PRKG1: variants seen among roughly 807,000 people sequenced by gnomAD.
PRKG1 encodes cGMP-dependent protein kinase 1.
A neutral mutation model predicts 88.1 loss-of-function variants in PRKG1; 35 were observed. The observed-to-expected ratio is 0.40, with a 90% CI of 0.30 to 0.53. The LOEUF (loss-of-function observed/expected upper bound fraction) is 0.53. Ranked by LOEUF, PRKG1 falls within the 20% of genes least tolerant of loss-of-function variation. The probability of loss-of-function intolerance (pLI) is 0.59; values close to 1 mark genes in which losing one functional copy is unlikely to be tolerated. For missense variants in PRKG1, 540 were observed against 839.8 expected (o/e 0.64, Z 4.41); for synonymous variants, 303 against 292.5 (o/e 1.04, Z -0.37).
chr10:51,489,906 A>G (rs1564520217), intron 3 of PRKG1, among the ~76,000 whole-genome samples: 1 of 152,146 alleles, frequency 6.6e-6, no homozygotes, highest in Non-Finnish European at 1.5e-5. Context: ...TGACCTGTTT[A>G]CTATAGTTCA....
At chr10:51,625,083 T>C (rs1362506836) in intron 3 of PRKG1, among the ~76,000 whole-genome samples, 2 of 152,218 alleles carry the variant, frequency 1.3e-5, no homozygotes, top group East Asian at 1.9e-4. Context: ...AATTAATAAA[T>C]GTTTAAAGTG....
chr10:51,289,619 T>C (rs934863728), intron 2 of PRKG1, among the ~76,000 whole-genome samples: 7 of 152,080 alleles, frequency 4.6e-5, no homozygotes, highest in African/African-American at 1.7e-4. Context: ...ACACAGTTTC[T>C]TGACTCTACC....
chr10:52,226,359 A>G (rs1281654349), intron 9 of PRKG1, among the ~76,000 whole-genome samples: 3 of 152,144 alleles, frequency 2.0e-5, no homozygotes, highest in Admixed American at 6.5e-5. Context: ...AGATTGATAA[A>G]CACTAAAAAG....
intron 5 of PRKG1, among the ~76,000 whole-genome samples, chr10:52,047,796 G>A (rs1375832508): frequency 2.0e-5 from 3 of 151,992 alleles, no homozygotes; most frequent in African/African-American, 7.2e-5. Flanking sequence ...GACTGATTTT[G>A]GCCCCAAAAA....
intron 9 of PRKG1, among the ~76,000 whole-genome samples, chr10:52,223,624 C>T (rs7070276): frequency 0.19 from 28,552 of 152,122 alleles, 5,528 homozygotes; most frequent in African/African-American, 0.5. Context: ...TCCAGATTTA[C>T]GTTTCCAGCC....
chr10:52,073,528 C>T (rs1846556426), intron 7 of PRKG1, among the ~76,000 whole-genome samples: 1 of 152,144 alleles, frequency 6.6e-6, no homozygotes, highest in South Asian at 2.1e-4. Context: ...TCATCATCCC[C>T]ATGATTTATT....
At chr10:51,512,007 A>G (rs1294612285) in intron 3 of PRKG1, among the ~76,000 whole-genome samples, 1 of 152,168 alleles carries the variant, frequency 6.6e-6, no homozygotes, top group Non-Finnish European at 1.5e-5. Context: ...GATATTGAGC[A>G]AAACTGTCAG....
At chr10:52,075,939 A>T (rs1846617579) in intron 7 of PRKG1, among the ~76,000 whole-genome samples, 1 of 152,180 alleles carries the variant, frequency 6.6e-6, no homozygotes, top group Non-Finnish European at 1.5e-5. Flanking sequence ...CCTGTCTCTA[A>T]ATACTGTCAC....
chr10:52,090,930 C>G (rs148432267), intron 7 of PRKG1, among the ~76,000 whole-genome samples: 1 of 152,274 alleles, frequency 6.6e-6, no homozygotes, highest in African/African-American at 2.4e-5. Context: ...TTTGTCAATG[C>G]TTTGTTCTTC....
intron 1 of PRKG1, among the ~76,000 whole-genome samples, chr10:51,032,742 G>A (rs1450856868): frequency 2.6e-5 from 4 of 152,118 alleles, no homozygotes; most frequent in South Asian, 2.1e-4. Context: ...CAGTGGGGGG[G>A]TGACTCTGTC....
In PRKG1 at chr10:52,188,990, A is replaced by G. The variant is rs1839292623; in HGVS notation, c.1076+27027A>G. Among the ~76,000 whole-genome samples, 9 of 152,344 alleles carry G rather than the reference A, an allele frequency of 5.9e-5. No homozygotes were observed. In the South Asian group the frequency reaches 1.9e-3, roughly 32 times the overall value. The stretch of plus-strand genomic sequence containing the variant: ...CTCCTCTTTAGAAACTTAAAATCTA[A>G]TAAGAAATATGGCATTTATATTGTT... On this transcript the variant is annotated intron_variant, in intron 9 of 17. Transcript: ENST00000373980.
intron 5 of PRKG1, among the ~76,000 whole-genome samples, chr10:51,960,185 T>C (rs1843412677): frequency 1.3e-5 from 2 of 151,916 alleles, no homozygotes; most frequent in African/African-American, 2.4e-5. Context: ...GGAAATTATT[T>C]TGGATGGGTA....
rs187125858 is a variant in PRKG1 at position 51,538,347 on chromosome 10, A to G, written c.592+70511A>G. On this transcript the variant is annotated intron_variant, in intron 3 of 17. Coordinates refer to ENST00000373980, the MANE Select transcript of PRKG1 (RefSeq NM_006258.4). ...ATATAATGTGATGAACATTATGTAT[A>G]TTATGATATATGATGTATAATATAT... 4.8e-3 allele frequency among the ~76,000 whole-genome samples: 721 copies of G among 148,796 alleles called. 10 individuals carry two copies. The highest frequency in any genetic ancestry group is 0.017 in the African/African-American group (689 of 40,878).
chr10:51,978,051 A>G (rs1490423225), intron 5 of PRKG1, among the ~76,000 whole-genome samples: 1 of 151,996 alleles, frequency 6.6e-6, no homozygotes, highest in Non-Finnish European at 1.5e-5. Context: ...GCCTGTTCCT[A>G]TGTCTAGAAT....
intron 9 of PRKG1, among the ~76,000 whole-genome samples, chr10:52,224,667 G>C (rs916917902): frequency 6.7e-6 from 1 of 149,394 alleles, no homozygotes; most frequent in Admixed American, 6.7e-5. Flanking sequence ...TCATAGCTTA[G>C]CTCCCACATA....
chr10:52,220,492 C>T (rs1269530395), intron 9 of PRKG1, among the ~76,000 whole-genome samples: 2 of 151,862 alleles, frequency 1.3e-5, no homozygotes, highest in South Asian at 2.1e-4. Context: ...GGGGGTATGT[C>T]GTACAGATTA....
chr10:51,038,043 T>G (rs942829217), intron 1 of PRKG1, among the ~76,000 whole-genome samples: 2 of 152,140 alleles, frequency 1.3e-5, no homozygotes, highest in Non-Finnish European at 2.9e-5. Context: ...AATTATGTGT[T>G]TGTGTGTTTG....
chr10:51,141,328 C>G (rs150880516), intron 1 of PRKG1, among the ~76,000 whole-genome samples: 1 of 152,164 alleles, frequency 6.6e-6, no homozygotes, highest in South Asian at 2.1e-4. Context: ...TATTGCTTCT[C>G]TGTTTCTTTT....
chr10:51,078,548 T>C (rs888994058), intron 1 of PRKG1, among the ~76,000 whole-genome samples: 1 of 151,064 alleles, frequency 6.6e-6, no homozygotes, highest in Admixed American at 6.6e-5. Flanking sequence ...ACTTTTTCAT[T>C]GCGAAGTACT....
Sources: allele counts gnomAD v4.1 joint callset (sites outside exome capture counted in the v4.1 genomes callset), GRCh38; gene constraint gnomAD v4.1.1; transcripts MANE v1.5; gene names NCBI Gene and HGNC (gene_info 2026-07-23, HGNC 2026-07-21).